CNGA3: variants seen among roughly 807,000 people sequenced by gnomAD.
The protein encoded by CNGA3 is cyclic nucleotide-gated channel alpha-3.
Under a neutral mutation model 46.6 loss-of-function variants are expected in CNGA3, and 42 were observed. That is an observed-to-expected ratio of 0.90 (90% CI 0.70 to 1.17). The LOEUF (loss-of-function observed/expected upper bound fraction) is 1.17. Ranked by LOEUF, CNGA3 falls within the 50% of genes most tolerant of loss-of-function variation. The pLI, the probability that CNGA3 is intolerant of heterozygous loss-of-function variation, is 0.00. For synonymous variants in CNGA3, 394 were observed against 369.4 expected, an observed-to-expected ratio of 1.07 and a Z score of -0.76; for missense variants, 893 against 890.7, an observed-to-expected ratio of 1.00 and a Z score of -0.03.
intron 1 of CNGA3, among the ~76,000 whole-genome samples, chr2:98,362,677 T>G (rs919816400): frequency 1.3e-5 from 2 of 152,204 alleles, no homozygotes; most frequent in Admixed American, 1.3e-4. Flanking sequence ...GTTTGTCAAT[T>G]TTTGCTTTTG....
chr2:98,366,335 A>G (rs57502811), intron 1 of CNGA3, among the ~76,000 whole-genome samples: 29,230 of 152,106 alleles, frequency 0.19, 3,215 homozygotes, highest in Non-Finnish European at 0.26. Flanking sequence ...CCTGTTTAAG[A>G]TTTCTGCTGA....
chr2:98,394,078 G>A (rs191930905), intron 7 of CNGA3, among the ~76,000 whole-genome samples: 6 of 151,920 alleles, frequency 3.9e-5, no homozygotes, highest in South Asian at 2.1e-4. Context: ...CCCAACTTCC[G>A]GGAGCCAACT....
rs1692920012 is a variant in CNGA3 at position 98,396,526 on chromosome 2, T to C, written c.1356T>C (p.Asp452=). The change falls in exon 8 of 8, where the codon GAT becomes GAC. Residue 452 remains aspartate (D), a synonymous_variant. Transcript: ENST00000272602. ...DYLWANKKTV[D]EKEVLKSLPD... ...TGTGGGCCAACAAGAAGACGGTGGA[T>C]GAGAAGGAGGTGCTCAAGAGCCTCC... The C allele has an allele frequency of 4.3e-6, 7 of 1,613,866 alleles. No individual in the cohort carries two copies. Among genetic ancestry groups the C allele is most frequent in the Non-Finnish European group, 5.9e-6 (7 of 1,179,986 alleles).
rs1188274622 is a variant in CNGA3, at chr2:98,396,613, C to T, written c.1443C>T (p.Arg481=). ...ACCTGGACACGCTGAAGAAGGTTCG[C>T]ATCTTCCAGGACTGTGAGGCAGGGC... ...NVHLDTLKKV[R]IFQDCEAGLL... Residue 481 remains arginine, a synonymous_variant, in exon 8 of 8, where the codon CGC becomes CGT. Coordinates refer to ENST00000272602, the MANE Select transcript of CNGA3 (RefSeq NM_001298.3). 1.9e-6 allele frequency: 3 copies of T among 1,614,070 alleles called. No homozygotes were observed. Among genetic ancestry groups the T allele is most frequent in the East Asian group, 2.2e-5 (1 of 44,872 alleles).
intron 4 of CNGA3, 132 bp from the exon 5 acceptor site, chr2:98,383,255 CA>C: frequency 1.2e-6 from 1 of 856,738 alleles, no homozygotes; most frequent in African/African-American, 1.7e-5. Context: ...CCGTATTCTT[CA>C]AGCTGTGAGT....
chr2:98,347,526 C>T (rs1224574963), intron 1 of CNGA3, among the ~76,000 whole-genome samples: 1 of 152,214 alleles, frequency 6.6e-6, no homozygotes, highest in Non-Finnish European at 1.5e-5. Context: ...AACTTCGGCC[C>T]TCTGCAGCGG....
At chr2:98,391,832 A>G (rs1331717023) in intron 6 of CNGA3, 32 bp from the exon 7 acceptor site, 34 of 1,602,722 alleles carry the variant, frequency 2.1e-5, no homozygotes, top group Non-Finnish European at 2.3e-5. Context: ...AAACACACGC[A>G]CAGCCATCCA....
chr2:98,348,207 G>T (rs1332819091), intron 1 of CNGA3, among the ~76,000 whole-genome samples: 1 of 152,176 alleles, frequency 6.6e-6, no homozygotes, highest in African/African-American at 2.4e-5. Flanking sequence ...ACAGAGAGGG[G>T]CCTCCTCCTG....
Position 98,396,850 on chromosome 2 carries a change from G to C in CNGA3, c.1680G>C (p.Ser560=). Residue 560 remains serine (S), a synonymous_variant, in exon 8 of 8, where the codon TCG becomes TCC. Coordinates refer to ENST00000272602, the MANE Select transcript of CNGA3 (RefSeq NM_001298.3). The part of the protein sequence containing the change: ...ISILNIKGSK[S]GNRRTANIRS... ...TTCTGAACATCAAGGGGAGCAAGTCGGGGAACCGCAGGACGGCCAACATCC... is the reference window on the plus strand; with the variant it reads ...TTCTGAACATCAAGGGGAGCAAGTCCGGGAACCGCAGGACGGCCAACATCC... 1 of 1,614,186 alleles carries C rather than the reference G, an allele frequency of 6.2e-7. No individual in the cohort carries two copies. Among genetic ancestry groups the C allele is most frequent in the Non-Finnish European group, 8.5e-7 (1 of 1,180,034 alleles).
chr2:98,359,784 C>T (rs1664534575), intron 1 of CNGA3, among the ~76,000 whole-genome samples: 1 of 152,206 alleles, frequency 6.6e-6, no homozygotes, highest in African/African-American at 2.4e-5. Context: ...AACAGCTGCT[C>T]CTTGGCCATC....
At chr2:98,373,397 G>T (rs765468444) in intron 2 of CNGA3, among the ~76,000 whole-genome samples, 1 of 152,094 alleles carries the variant, frequency 6.6e-6, no homozygotes, top group African/African-American at 2.4e-5. Context: ...AACGTTAATC[G>T]CTCTTTATCT....
At chr2:98,348,178 C>T (rs1471736473) in intron 1 of CNGA3, among the ~76,000 whole-genome samples, 1 of 152,232 alleles carries the variant, frequency 6.6e-6, no homozygotes, top group East Asian at 1.9e-4. Context: ...CGCACTTCCT[C>T]TTCAGCCTCG....
chr2:98,347,339 C>T (rs1691656947), intron 1 of CNGA3, among the ~76,000 whole-genome samples: 1 of 152,154 alleles, frequency 6.6e-6, no homozygotes, highest in Non-Finnish European at 1.5e-5. Context: ...ATCCCCTAAC[C>T]GGATAAAGGC....
chr2:98,380,760 A>G (rs1404205455), intron 4 of CNGA3, among the ~76,000 whole-genome samples: 1 of 152,156 alleles, frequency 6.6e-6, no homozygotes, highest in Admixed American at 6.5e-5. Flanking sequence ...CTTTTATAGC[A>G]GGAGCCTTGG....
intron 1 of CNGA3, 121 bp downstream of exon 1, chr2:98,346,655 T>A: frequency 2.6e-6 from 1 of 391,726 alleles, no homozygotes; most frequent in African/African-American, 2.1e-5. Flanking sequence ...GGGATGCTGC[T>A]GCTTCCAGGG....
Position 98,365,178 on chromosome 2 carries a change from G to A in CNGA3, c.-37-4761G>A, listed in dbSNP as rs114034738. ...TCAGCCTACTGAGGTCCAGTGGCTC[G>A]CTCCTATAATCCCAACACTTTGGGA... On this transcript the variant is annotated intron_variant, in intron 1 of 7. Coordinates refer to ENST00000272602, the MANE Select transcript of CNGA3 (RefSeq NM_001298.3). Among the ~76,000 whole-genome samples, 617 of 152,050 alleles carry A rather than the reference G, an allele frequency of 4.1e-3. 2 individuals are homozygous for A. The highest frequency in any genetic ancestry group is 5.0e-3 in the Non-Finnish European group (337 of 67,980).
At chr2:98,359,731 G>C (rs915924391) in intron 1 of CNGA3, among the ~76,000 whole-genome samples, 1 of 152,168 alleles carries the variant, frequency 6.6e-6, no homozygotes, top group Non-Finnish European at 1.5e-5. Flanking sequence ...GTCTGTGGAC[G>C]CCCTGGCCAC....
intron 1 of CNGA3, among the ~76,000 whole-genome samples, chr2:98,357,035 G>A (rs1365326713): frequency 7.9e-5 from 12 of 152,202 alleles, no homozygotes; most frequent in Admixed American, 7.2e-4. Flanking sequence ...TATCAGTGTC[G>A]TCATGATGAT....
chr2:98,392,575 A>C (rs1217869818), intron 7 of CNGA3, among the ~76,000 whole-genome samples: 1 of 142,958 alleles, frequency 7.0e-6, no homozygotes, highest in Non-Finnish European at 1.5e-5. Flanking sequence ...AAAGAAAAAA[A>C]AAAGAAAAGA....
Sources: allele counts gnomAD v4.1 joint callset (sites outside exome capture counted in the v4.1 genomes callset), GRCh38; gene constraint gnomAD v4.1.1; transcripts MANE v1.5; gene names NCBI Gene and HGNC (gene_info 2026-07-23, HGNC 2026-07-21).